The following NEUROG3 variants were observed in gnomAD, a reference collection of about 807,000 sequenced individuals.
NEUROG3 encodes neurogenin 3.
For synonymous variants in NEUROG3, 161 were observed against 139.2 expected, an observed-to-expected ratio of 1.16 and a Z score of -1.10; for missense variants, 307 against 297.9, an observed-to-expected ratio of 1.03 and a Z score of -0.22.
chr10:69,572,531 G>A lies in NEUROG3; in HGVS notation c.513C>T (p.Ser171=). 2 of 1,603,002 alleles carry A rather than the reference G, an allele frequency of 1.2e-6. No homozygotes were observed. The highest frequency in any genetic ancestry group is 1.7e-6 in the Non-Finnish European group (2 of 1,174,916). Residue 171 remains serine (S), a synonymous_variant, in exon 2 of 2, where the codon TCC becomes TCT. Coordinates refer to ENST00000242462, the MANE Select transcript of NEUROG3 (RefSeq NM_020999.4). The part of the protein sequence containing the change: ...SPGGSPGDWG[S]LYSPVSQAGS... ...CAGCCTGGGAGACTGGGGAGTAGAGGGACCCCCAGTCCCCGGGGGAACCGC... is the reference window on the plus strand; with the variant it reads ...CAGCCTGGGAGACTGGGGAGTAGAGAGACCCCCAGTCCCCGGGGGAACCGC...
In NEUROG3 at chr10:69,572,328, C is replaced by T; in HGVS notation, c.*71G>A. 1 of 1,519,980 alleles carries T rather than the reference C, an allele frequency of 6.6e-7. No homozygotes were observed. Among genetic ancestry groups the T allele is most frequent in the Non-Finnish European group, 8.8e-7 (1 of 1,131,102 alleles). The allele number at this position is 1,519,980 out of a possible 1,614,324, so 94.2% of individuals were successfully genotyped here. A position where few individuals can be genotyped will look rare whatever the true frequency, so the allele number is the denominator to read the frequency against. On this transcript the variant is annotated 3_prime_UTR_variant, in exon 2 of 2. Transcript: ENST00000242462. ...TTTGAGGGCCGCCGCCGTCGGCCAC[C>T]CTCTACGGCTCCCGGCTCCCTCCCT...
In NEUROG3 at chr10:69,571,706, G is replaced by C. The variant is rs1197374171; in HGVS notation, c.*693C>G. 6.6e-6 allele frequency: 1 copy of C among 152,236 alleles called. No homozygotes were observed. The highest frequency in any genetic ancestry group is 6.5e-5 in the Admixed American group (1 of 15,290). The allele number at this position is 152,236 out of a possible 1,614,324, so 9.4% of individuals were successfully genotyped here. A position where few individuals can be genotyped will look rare whatever the true frequency, so the allele number is the denominator to read the frequency against. ...AAAAAAAAAGATGCGCGGTGCTCCA[G>C]GCACCTGCAGCGCAGCTCACGTTTC... On this transcript the variant is annotated 3_prime_UTR_variant, in exon 2 of 2. Coordinates refer to ENST00000242462, the MANE Select transcript of NEUROG3 (RefSeq NM_020999.4).
Position 69,572,445 on chromosome 10 carries a change from G to C in NEUROG3, c.599C>G (p.Ser200Cys). 1.9e-6 allele frequency: 3 copies of C among 1,591,012 alleles called. No individual in the cohort carries two copies. Among genetic ancestry groups the C allele is most frequent in the Non-Finnish European group, 2.6e-6 (3 of 1,171,416 alleles). ...CAGACTGCCTGGGCTCAAGCAGGCGGAAAAGGTGGCCCCCAGCAGCCCGGG... is the reference window on the plus strand; with the variant it reads ...CAGACTGCCTGGGCTCAAGCAGGCGCAAAAGGTGGCCCCCAGCAGCCCGGG... The part of the protein sequence containing the change: ...ERPGLLGATF[S>C]ACLSPGSLAF... The change falls in exon 2 of 2, where the codon TCC becomes TGC. Residue 200 changes from serine to cysteine, a missense_variant. By Grantham distance (112) the Ser-to-Cys change is moderately radical. Coordinates refer to ENST00000242462, the MANE Select transcript of NEUROG3 (RefSeq NM_020999.4).
chr10:69,572,561 G>C lies in NEUROG3; in HGVS notation c.483C>G (p.Ser161Arg). The stretch of plus-strand genomic sequence containing the variant: ...CCCAGTCCCCGGGGGAACCGCCTGG[G>C]CTGCCCAGCTCCCCGCAGTGCGGCG... ...PPAPHCGELGSPGGSPGDWGS... is the reference protein window; with the variant it reads ...PPAPHCGELGRPGGSPGDWGS... The change falls in exon 2 of 2, where the codon AGC (serine) becomes AGG (arginine). Residue 161 changes from serine (S) to arginine (R), a missense_variant. Coordinates refer to ENST00000242462, the MANE Select transcript of NEUROG3 (RefSeq NM_020999.4). 6.2e-7 allele frequency: 1 copy of C among 1,612,040 alleles called. No individual in the cohort carries two copies. The highest frequency in any genetic ancestry group is 8.5e-7 in the Non-Finnish European group (1 of 1,179,144).
In NEUROG3 at chr10:69,572,555, GC is replaced by G; in HGVS notation, c.488del (p.Gly163AlafsTer20). ...GGGACCCCCAGTCCCCGGGGGAACC[GC>G]CTGGGCTGCCCAGCTCCCCGCAGTG... The part of the protein sequence containing the change: ...APHCGELGSP[G>X]GSPGDWGSLY... On this transcript the variant is annotated frameshift_variant, in exon 2 of 2. Transcript: ENST00000242462. LOFTEE classifies it low-confidence loss of function (END_TRUNC). 6.2e-7 allele frequency: 1 copy of G among 1,611,032 alleles called. No homozygotes were observed. Among genetic ancestry groups the G allele is most frequent in the Admixed American group, 1.7e-5 (1 of 59,632 alleles).
chr10:69,572,362 C>T lies in NEUROG3; in HGVS notation c.*37G>A. 1 of 1,571,302 alleles carries T rather than the reference C, an allele frequency of 6.4e-7. No individual in the cohort carries two copies. The highest frequency in any genetic ancestry group is 8.6e-7 in the Non-Finnish European group (1 of 1,166,698). ...CTCCCGGCTCCCTCCCTCTCCCTTA[C>T]CCTTAGCACCCACAGCCCAGCGACA... On this transcript the variant is annotated 3_prime_UTR_variant, in exon 2 of 2. Transcript: ENST00000242462.
rs1418561427 is a variant in NEUROG3, at chr10:69,571,959, T to A, written c.*440A>T. The A allele has an allele frequency of 2.0e-4, 36 of 181,928 alleles. No individual in the cohort carries two copies. Among genetic ancestry groups the A allele is most frequent in the Admixed American group, 2.0e-3 (36 of 18,228 alleles). The allele number at this position is 181,928 out of a possible 1,614,324, so 11.3% of individuals were successfully genotyped here. A position where few individuals can be genotyped will look rare whatever the true frequency, so the allele number is the denominator to read the frequency against. On this transcript the variant is annotated 3_prime_UTR_variant, in exon 2 of 2. Coordinates refer to ENST00000242462, the MANE Select transcript of NEUROG3 (RefSeq NM_020999.4). Reference sequence around the variant, plus strand: ...CGTCTTTGGAGCAAGGCAAGGGGAGTAAGCGCTGAGAGACCAAACATTGGA... The same window carrying A: ...CGTCTTTGGAGCAAGGCAAGGGGAGAAAGCGCTGAGAGACCAAACATTGGA...
At position 69,573,371 on chromosome 10, in the gene NEUROG3, T is replaced by G; in HGVS notation, c.-163A>C. The G allele has an allele frequency of 2.4e-6, 1 of 424,612 alleles. No individual in the cohort carries two copies. Among genetic ancestry groups the G allele is most frequent in the Non-Finnish European group, 4.2e-6 (1 of 237,182 alleles). 26.3% of individuals were successfully genotyped at this position (424,612 alleles called of 1,614,324 possible). A position where few individuals can be genotyped will look rare whatever the true frequency, so the allele number is the denominator to read the frequency against. On this transcript the variant is annotated 5_prime_UTR_variant, in exon 1 of 2. Coordinates refer to ENST00000242462, the MANE Select transcript of NEUROG3 (RefSeq NM_020999.4). ...AAGAGAGAATGGGGTCCGAGGCCTC[T>G]GTCACGCTCTCTCTCGAGGCGCGGC...
Position 69,572,419 on chromosome 10 carries a change from C to T in NEUROG3, c.625G>A (p.Ala209Thr), listed in dbSNP as rs1371633059. 5 of 1,588,172 alleles carry T rather than the reference C, an allele frequency of 3.1e-6. No individual in the cohort carries two copies. The highest frequency in any genetic ancestry group is 1.3e-5 in the African/African-American group (1 of 74,450). Residue 209 changes from alanine to threonine, a missense_variant, in exon 2 of 2, where the codon GCT (alanine) becomes ACT (threonine). By Grantham distance (58) the Ala-to-Thr change is moderately conservative (BLOSUM62 0). Coordinates refer to ENST00000242462, the MANE Select transcript of NEUROG3 (RefSeq NM_020999.4). Reference sequence around the variant, plus strand: ...TCCTTTCACAGAAAATCTGAGAAAGCCAGACTGCCTGGGCTCAAGCAGGCG... The same window carrying T: ...TCCTTTCACAGAAAATCTGAGAAAGTCAGACTGCCTGGGCTCAAGCAGGCG... ...FSACLSPGSL[A>T]FSDFL is the part of the protein sequence containing the mutation.
chr10:69,572,629 G>A lies in NEUROG3; in HGVS notation c.415C>T (p.Leu139=). The A allele has an allele frequency of 6.2e-7, 1 of 1,614,102 alleles. No homozygotes were observed. The highest frequency in any genetic ancestry group is 1.1e-5 in the South Asian group (1 of 91,086). The change falls in exon 2 of 2, where the codon CTG becomes TTG. Residue 139 remains leucine (L), a synonymous_variant. Coordinates refer to ENST00000242462, the MANE Select transcript of NEUROG3 (RefSeq NM_020999.4). ...HNYIWALTQT[L]RIADHSLYAL... is the part of the protein sequence containing the mutation. ...TACAAGCTGTGGTCCGCTATGCGCAGCGTTTGAGTCAGCGCCCAGATGTAG... is the reference window on the plus strand; with the variant it reads ...TACAAGCTGTGGTCCGCTATGCGCAACGTTTGAGTCAGCGCCCAGATGTAG...
chr10:69,573,027 G>A lies in NEUROG3; in HGVS notation c.17C>T (p.Ser6Leu), dbSNP rs138133772. 1.9e-6 allele frequency: 3 copies of A among 1,613,640 alleles called. No homozygotes were observed. The highest frequency in any genetic ancestry group is 2.5e-6 in the Non-Finnish European group (3 of 1,180,006). MTPQP[S>L]GAPTVQVTRE... ...GGTCACTTGGACAGTGGGCGCACCC[G>A]AGGGTTGAGGCGTCATCCTACGGCG... The change falls in exon 2 of 2, where the codon TCG (serine) becomes TTG (leucine). Residue 6 changes from serine (S) to leucine (L), a missense_variant. Coordinates refer to ENST00000242462, the MANE Select transcript of NEUROG3 (RefSeq NM_020999.4).
Position 69,573,235 on chromosome 10 carries a change from G to A in NEUROG3, c.-27C>T. ...CTTTCTACCGGCGCAAAAGAATAGA[G>A]AGCGATGAGCAGCGAGGGCCGTGGG... On this transcript the variant is annotated 5_prime_UTR_variant, in exon 1 of 2. Coordinates refer to ENST00000242462, the MANE Select transcript of NEUROG3 (RefSeq NM_020999.4). 1.5e-6 allele frequency: 1 copy of A among 657,840 alleles called. No individual in the cohort carries two copies. The highest frequency in any genetic ancestry group is 1.8e-5 in the African/African-American group (1 of 54,888). 40.8% of individuals were successfully genotyped at this position (657,840 alleles called of 1,614,324 possible).
Position 69,572,339 on chromosome 10 carries a change from C to T in NEUROG3, c.*60G>A, listed in dbSNP as rs1839221768. 1.9e-6 allele frequency: 3 copies of T among 1,541,346 alleles called. No individual in the cohort carries two copies. Among genetic ancestry groups the T allele is most frequent in the Admixed American group, 3.7e-5 (2 of 53,336 alleles). ...CCGCCGTCGGCCACCCTCTACGGCT[C>T]CCGGCTCCCTCCCTCTCCCTTACCC... On this transcript the variant is annotated 3_prime_UTR_variant, in exon 2 of 2. Transcript: ENST00000242462.
intron 1 of NEUROG3, 60 bp downstream of exon 1, chr10:69,573,146 GCCCC>G: frequency 3.0e-6 from 4 of 1,339,168 alleles, no homozygotes; most frequent in Non-Finnish European, 4.2e-6. Flanking sequence ...CATCCTCCCA[GCCCC>G]CGCTGGGTCA....
rs1173613426 is a variant in NEUROG3, at chr10:69,572,454, G to A, written c.590C>T (p.Ala197Val). Residue 197 changes from alanine (A) to valine (V), a missense_variant, in exon 2 of 2, where the codon GCC (alanine) becomes GTC (valine). Transcript: ENST00000242462. Reference sequence around the variant, plus strand: ...TGGGCTCAAGCAGGCGGAAAAGGTGGCCCCCAGCAGCCCGGGTCGCTCCTC... The same window carrying A: ...TGGGCTCAAGCAGGCGGAAAAGGTGACCCCCAGCAGCCCGGGTCGCTCCTC... ...SLEERPGLLGATFSACLSPGS... is the reference protein window; with the variant it reads ...SLEERPGLLGVTFSACLSPGS... 1 of 1,587,672 alleles carries A rather than the reference G, an allele frequency of 6.3e-7. No homozygotes were observed. Among genetic ancestry groups the A allele is most frequent in the Non-Finnish European group, 8.6e-7 (1 of 1,169,182 alleles).
intron 1 of NEUROG3, 37 bp downstream of exon 1, chr10:69,573,173 T>C (rs1434344477): frequency 9.8e-7 from 1 of 1,017,334 alleles, no homozygotes; most frequent in African/African-American, 1.6e-5. Flanking sequence ...GGATCCCTCT[T>C]TCCCCTGCCC....
At chr10:69,573,067 G>A (rs1320666435) in intron 1 of NEUROG3, 23 bp from the exon 2 acceptor site, 2 of 1,608,132 alleles carry the variant, frequency 1.2e-6, no homozygotes, top group Non-Finnish European at 1.7e-6. Flanking sequence ...CAGAGGGAAG[G>A]GTAAGTTTGA....
intron 1 of NEUROG3, 55 bp from the exon 2 acceptor site, chr10:69,573,099 G>T (rs1010531108): frequency 1.3e-6 from 2 of 1,592,064 alleles, no homozygotes; most frequent in Non-Finnish European, 1.7e-6. Flanking sequence ...GGCGCAGTCC[G>T]CGATTCCGAG....
chr10:69,572,066 G>A lies in NEUROG3; in HGVS notation c.*333C>T. 1 of 387,958 alleles carries A rather than the reference G, an allele frequency of 2.6e-6. No homozygotes were observed. Among genetic ancestry groups the A allele is most frequent in the South Asian group, 3.1e-5 (1 of 32,076 alleles). 24.0% of individuals were successfully genotyped at this position (387,958 alleles called of 1,614,324 possible). On this transcript the variant is annotated 3_prime_UTR_variant, in exon 2 of 2. Transcript: ENST00000242462. ...AGGGTAGGGCGACCCAAGACGGTGGGCGGCTCCGGCCGGGTAGTGCTACCA... is the reference window on the plus strand; with the variant it reads ...AGGGTAGGGCGACCCAAGACGGTGGACGGCTCCGGCCGGGTAGTGCTACCA...
Sources: gnomAD v4.1 joint callset for allele counts on GRCh38, gnomAD v4.1.1 for gene constraint, MANE v1.5 for transcripts, NCBI Gene and HGNC (gene_info 2026-07-23, HGNC 2026-07-21) for gene names.